Variants in ANKRD44 observed in about 807,000 individuals in gnomAD.
ANKRD44 encodes the protein ankyrin repeat domain 44, also known as serine/threonine-protein phosphatase 6 regulatory ankyrin repeat subunit B.
ANKRD44 carries 35 observed loss-of-function variants against 116.0 expected under a neutral mutation model. That is an observed-to-expected ratio of 0.30 (90% CI 0.23 to 0.40). The LOEUF (loss-of-function observed/expected upper bound fraction) is 0.40. Among genes scored for constraint, ANKRD44 ranks in the 10% least tolerant of loss-of-function variants. The pLI is 1.00. For synonymous variants in ANKRD44, 435 were observed against 461.8 expected, an observed-to-expected ratio of 0.94 and a Z score of 0.74; for missense variants, 1,014 against 1,242.6, an observed-to-expected ratio of 0.82 and a Z score of 2.77.
At chr2:197,003,685 T>G (rs1574255020) in intron 21 of ANKRD44, among the ~76,000 whole-genome samples, 1 of 152,310 alleles carries the variant, frequency 6.6e-6, no homozygotes, top group Non-Finnish European at 1.5e-5. Context: ...CCTCTCACCC[T>G]GAGCCCTGAA....
intron 1 of ANKRD44, among the ~76,000 whole-genome samples, chr2:197,277,221 A>C (rs1288463048): frequency 6.6e-6 from 1 of 152,012 alleles, no homozygotes; most frequent in East Asian, 1.9e-4. Flanking sequence ...CTCAAGTGAT[A>C]TTGATCCTCT....
intron 2 of ANKRD44, among the ~76,000 whole-genome samples, chr2:197,151,099 AG>A (rs1444661668): frequency 1.4e-5 from 2 of 140,712 alleles, no homozygotes; most frequent in Non-Finnish European, 3.1e-5. Flanking sequence ...TTTTTAATCC[AG>A]GAACTTTCAA....
chr2:197,298,149 G>A (rs2083778763), intron 1 of ANKRD44, among the ~76,000 whole-genome samples: 2 of 152,352 alleles, frequency 1.3e-5, no homozygotes, highest in African/African-American at 4.8e-5. Flanking sequence ...GAGAGGCATG[G>A]CAGCCAGGCC....
intron 27 of ANKRD44, 143 bp from the exon 28 acceptor site, chr2:196,989,792 G>C: frequency 6.9e-7 from 1 of 1,456,372 alleles, no homozygotes; most frequent in Non-Finnish European, 9.1e-7. Flanking sequence ...ACTTTTCACT[G>C]ACTTGGTATG....
Position 196,987,968 on chromosome 2 carries a change from A to G in ANKRD44, c.*1623T>C. The G allele has an allele frequency of 3.0e-6, 3 of 985,378 alleles. No individual in the cohort carries two copies. The highest frequency in any genetic ancestry group is 3.6e-6 in the Non-Finnish European group (3 of 829,902). 61.0% of individuals were successfully genotyped at this position (985,378 alleles called of 1,614,324 possible). A position where few individuals can be genotyped will look rare whatever the true frequency, so the allele number is the denominator to read the frequency against. On this transcript the variant is annotated 3_prime_UTR_variant, in exon 28 of 28. Coordinates refer to ENST00000282272, the MANE Select transcript of ANKRD44 (RefSeq NM_001195144.2). ...TTTTGCCTTGGGGTATGGGAGAAAG[A>G]GAAAGAGAGGAAGAGAGAGAGAGAG...
intron 1 of ANKRD44, among the ~76,000 whole-genome samples, chr2:197,208,772 G>C (rs2081263102): frequency 6.6e-6 from 1 of 151,848 alleles, no homozygotes; most frequent in Non-Finnish European, 1.5e-5. Context: ...TGCACTGCAG[G>C]CTGGGCGACA....
At chr2:197,079,268 G>A (rs922551893) in intron 15 of ANKRD44, among the ~76,000 whole-genome samples, 1 of 151,338 alleles carries the variant, frequency 6.6e-6, no homozygotes, top group Non-Finnish European at 1.5e-5. Flanking sequence ...GTTAGAAAAT[G>A]AAAGTTAAAA....
chr2:197,233,400 A>G (rs2081910944), intron 1 of ANKRD44, among the ~76,000 whole-genome samples: 1 of 152,158 alleles, frequency 6.6e-6, no homozygotes, highest in South Asian at 2.1e-4. Flanking sequence ...AAATACTACA[A>G]ATAAATTTAA....
chr2:197,056,600 C>T (rs1182110443), intron 16 of ANKRD44, among the ~76,000 whole-genome samples: 1 of 151,926 alleles, frequency 6.6e-6, no homozygotes, highest in African/African-American at 2.4e-5. Flanking sequence ...TTTAGGACAT[C>T]TTTAATTTTT....
At chr2:197,184,858 AAC>A (rs1407216632) in intron 2 of ANKRD44, among the ~76,000 whole-genome samples, 10 of 152,272 alleles carry the variant, frequency 6.6e-5, no homozygotes, top group South Asian at 4.1e-4. Context: ...GTCTATGTGT[AAC>A]AGTAGTTAAC....
chr2:197,076,533 C>T (rs894810272), intron 16 of ANKRD44, among the ~76,000 whole-genome samples: 2 of 152,120 alleles, frequency 1.3e-5, no homozygotes, highest in African/African-American at 4.8e-5. Context: ...TTCAGGGGTA[C>T]ATGTGCAGGT....
chr2:197,215,844 A>C (rs1177643777), intron 1 of ANKRD44, among the ~76,000 whole-genome samples: 1 of 152,208 alleles, frequency 6.6e-6, no homozygotes, highest in African/African-American at 2.4e-5. Flanking sequence ...AGCTAGGAGC[A>C]GTGACATATT....
intron 1 of ANKRD44, among the ~76,000 whole-genome samples, chr2:197,298,141 G>C (rs2083778672): frequency 6.6e-6 from 1 of 152,240 alleles, no homozygotes; most frequent in Admixed American, 6.5e-5. Context: ...GGTAAGAAGA[G>C]AGGCATGGCA....
chr2:197,221,931 C>A (rs1315618232), intron 1 of ANKRD44, among the ~76,000 whole-genome samples: 1 of 152,180 alleles, frequency 6.6e-6, no homozygotes, highest in Non-Finnish European at 1.5e-5. Flanking sequence ...TTGGGTCAGG[C>A]TACTTTAACA....
At chr2:197,032,771 G>A (rs767326436) in intron 16 of ANKRD44, among the ~76,000 whole-genome samples, 1 of 152,136 alleles carries the variant, frequency 6.6e-6, no homozygotes, top group Non-Finnish European at 1.5e-5. Context: ...CTCTAATATG[G>A]CCCCTAAATA....
At chr2:197,232,697 AG>A (rs1225929474) in intron 1 of ANKRD44, among the ~76,000 whole-genome samples, 3 of 152,140 alleles carry the variant, frequency 2.0e-5, no homozygotes, top group Non-Finnish European at 4.4e-5. Context: ...CCTAGAAAAA[AG>A]GTTCTCTTAA....
At chr2:196,993,882 T>C (rs2075965198) in intron 26 of ANKRD44, among the ~76,000 whole-genome samples, 1 of 152,208 alleles carries the variant, frequency 6.6e-6, no homozygotes, top group African/African-American at 2.4e-5. Context: ...CAGATCTTGC[T>C]GCAGATATTA....
At chr2:197,139,920 C>A (rs1257007335) in intron 3 of ANKRD44, among the ~76,000 whole-genome samples, 1 of 150,626 alleles carries the variant, frequency 6.6e-6, no homozygotes, top group Non-Finnish European at 1.5e-5. Flanking sequence ...TGCTCTGTCA[C>A]CCAGGCTGGA....
At chr2:197,231,247 A>G (rs1033694890) in intron 1 of ANKRD44, among the ~76,000 whole-genome samples, 3 of 151,950 alleles carry the variant, frequency 2.0e-5, no homozygotes, top group African/African-American at 7.3e-5. Context: ...ACATAGCAAG[A>G]CCCCGTCTCT....
Sources: gnomAD v4.1 joint callset for allele counts (sites outside exome capture counted in the v4.1 genomes callset) on GRCh38, gnomAD v4.1.1 for gene constraint, MANE v1.5 for transcripts, NCBI Gene and HGNC (gene_info 2026-07-23, HGNC 2026-07-21) for gene names.